WLS: variants seen among roughly 807,000 people sequenced by gnomAD.
WLS encodes the protein Wnt ligand secretion mediator.
Under a neutral mutation model 62.8 loss-of-function variants are expected in WLS, and 23 were observed. The observed-to-expected ratio is 0.37, with a 90% CI of 0.26 to 0.52. WLS has a LOEUF of 0.52. WLS is among the 20% of genes least tolerant of loss of function. The pLI, the probability that WLS is intolerant of heterozygous loss-of-function variation, is 0.92. For synonymous variants in WLS, 246 were observed against 244.1 expected, an observed-to-expected ratio of 1.01 and a Z score of -0.07; for missense variants, 615 against 697.3, an observed-to-expected ratio of 0.88 and a Z score of 1.33.
chr1:68,138,289 C>G (rs1646639341), intron 10 of WLS: 1 of 216,706 alleles, frequency 4.6e-6, no homozygotes, highest in Admixed American at 5.6e-5. Context: ...TGCTGTCTGT[C>G]TTCCCAGCTA....
intron 2 of WLS, among the ~76,000 whole-genome samples, chr1:68,171,752 T>C (rs1189246007): frequency 6.6e-6 from 1 of 152,228 alleles, no homozygotes; most frequent in Non-Finnish European, 1.5e-5. Context: ...GAAGACAGTG[T>C]GGCGATTCCT....
At chr1:68,134,000 A>G (rs1370070702) in intron 11 of WLS, among the ~76,000 whole-genome samples, 6 of 152,216 alleles carry the variant, frequency 3.9e-5, no homozygotes, top group African/African-American at 1.2e-4. Context: ...AAAGCAAAGG[A>G]GAGAAAGAAA....
At chr1:68,172,665 A>G (rs953228502) in intron 2 of WLS, among the ~76,000 whole-genome samples, 1 of 152,218 alleles carries the variant, frequency 6.6e-6, no homozygotes, top group African/African-American at 2.4e-5. Flanking sequence ...TGTAGCACAG[A>G]AGACACAATC....
rs370502201 is a variant in WLS at position 68,126,211 on chromosome 1, G to A, written c.*15C>T. On this transcript the variant is annotated 3_prime_UTR_variant, in exon 12 of 12. Transcript: ENST00000262348. ...GGGGTATGGAGAGACCGTCCCAGCCGGGCGCTGCAGCCTCCTACTCCTGGG... is the reference window on the plus strand; with the variant it reads ...GGGGTATGGAGAGACCGTCCCAGCCAGGCGCTGCAGCCTCCTACTCCTGGG... The A allele has an allele frequency of 5.9e-5, 95 of 1,613,744 alleles. No homozygotes were observed. The highest frequency in any genetic ancestry group is 3.3e-4 in the Middle Eastern group (2 of 6,082).
At chr1:68,134,727 T>C (rs1646580482) in intron 11 of WLS, among the ~76,000 whole-genome samples, 1 of 152,244 alleles carries the variant, frequency 6.6e-6, no homozygotes, top group Non-Finnish European at 1.5e-5. Context: ...ATATGACCTC[T>C]TGTTGAGAAT....
chr1:68,188,873 G>C (rs1334843185), intron 2 of WLS, among the ~76,000 whole-genome samples: 1 of 152,224 alleles, frequency 6.6e-6, no homozygotes, highest in East Asian at 1.9e-4. Context: ...AGAGGACTCT[G>C]AACACCGAGT....
intron 6 of WLS, among the ~76,000 whole-genome samples, chr1:68,149,424 GTCTC>G (rs781103560): frequency 1.1e-4 from 17 of 152,210 alleles, no homozygotes; most frequent in Middle Eastern, 3.4e-3. Flanking sequence ...GTAGGAAGAA[GTCTC>G]TCTCTCTGCT....
At chr1:68,107,083 A>T (rs1035447926) in intron 11 of WLS, among the ~76,000 whole-genome samples, 4 of 152,206 alleles carry the variant, frequency 2.6e-5, no homozygotes, top group East Asian at 1.9e-4. Flanking sequence ...TAAGTAATTA[A>T]TATGTTGGTA....
chr1:68,150,454 T>A, intron 5 of WLS, 98 bp from the exon 6 acceptor site: 1 of 1,494,880 alleles, frequency 6.7e-7, no homozygotes, highest in Non-Finnish European at 9.2e-7. Context: ...GAGATGTTAC[T>A]TATTGGGTCT....
intron 1 of WLS, among the ~76,000 whole-genome samples, chr1:68,213,424 C>A (rs1649599020): frequency 7.3e-6 from 1 of 137,380 alleles, no homozygotes; most frequent in Admixed American, 8.2e-5. Flanking sequence ...GCTCTCCAGA[C>A]TGGGCAACAA....
Position 68,126,224 on chromosome 1 carries a change from T to C in WLS, c.*2A>G. 6.2e-7 allele frequency: 1 copy of C among 1,614,118 alleles called. No homozygotes were observed. The highest frequency in any genetic ancestry group is 8.5e-7 in the Non-Finnish European group (1 of 1,180,016). On this transcript the variant is annotated 3_prime_UTR_variant, in exon 12 of 12. Transcript: ENST00000262348. ...ACCGTCCCAGCCGGGCGCTGCAGCC[T>C]CCTACTCCTGGGCCTCCTTGCGGGT...
rs532302994 is a variant in WLS, at chr1:68,134,377, A to T, written c.1516+3403T>A. 2.0e-5 allele frequency among the ~76,000 whole-genome samples: 3 copies of T among 152,346 alleles called. No homozygotes were observed. In the South Asian group the frequency reaches 6.2e-4, roughly 32 times the overall value. On this transcript the variant is annotated intron_variant, in intron 11 of 11. Coordinates refer to ENST00000262348, the MANE Select transcript of WLS (RefSeq NM_024911.7). ...CACCATGCAGGAAAGGGAAGGGCCC[A>T]CAAGCTGCCAGGGGTTCCCGGGGGT...
rs115712622 is a variant in WLS at position 68,101,739 on chromosome 1, C to T, written c.1511-2986G>A. Among the ~76,000 whole-genome samples the T allele has an allele frequency of 2.5e-3, 385 of 152,192 alleles. 3 individuals carry two copies. Among genetic ancestry groups the T allele is most frequent in the African/African-American group, 8.9e-3 (369 of 41,528 alleles). ...AACTTCATGAATTGGGGGTGAGTCT[C>T]CCAATGGTGAAAGTTCAGGAAGACT... On this transcript the variant is annotated intron_variant, in intron 11 of 11. Transcript: ENST00000354777.
At chr1:68,121,965 C>A (rs1228671180), downstream of WLS, among the ~76,000 whole-genome samples, 1 of 152,194 alleles carries the variant, frequency 6.6e-6, no homozygotes, top group Non-Finnish European at 1.5e-5. Context: ...CCACCAAAAA[C>A]CTTCTATTTC....
chr1:68,107,754 A>G (rs1424771151), intron 11 of WLS, among the ~76,000 whole-genome samples: 2 of 152,072 alleles, frequency 1.3e-5, no homozygotes, highest in East Asian at 1.9e-4. Context: ...CTATTTTTTT[A>G]TTACCCACAT....
At chr1:68,122,290 G>T (rs1646373140), downstream of WLS, among the ~76,000 whole-genome samples, 1 of 152,096 alleles carries the variant, frequency 6.6e-6, no homozygotes, top group Admixed American at 6.6e-5. Context: ...TGGACCCCAG[G>T]GGTATGAGTT....
intron 10 of WLS, among the ~76,000 whole-genome samples, chr1:68,142,418 C>A (rs1187449109): frequency 3.9e-5 from 6 of 152,192 alleles, no homozygotes; most frequent in Admixed American, 2.0e-4. Context: ...CCTTGCAGGT[C>A]TGGCTGTGTC....
At chr1:68,112,268 G>A (rs1040722255) in intron 11 of WLS, among the ~76,000 whole-genome samples, 1 of 152,152 alleles carries the variant, frequency 6.6e-6, no homozygotes, top group African/African-American at 2.4e-5. Flanking sequence ...TGCACTAGCT[G>A]TACAACAGTA....
intron 11 of WLS, among the ~76,000 whole-genome samples, chr1:68,111,936 C>G (rs1267256466): frequency 6.6e-6 from 1 of 152,232 alleles, no homozygotes; most frequent in African/African-American, 2.4e-5. Context: ...AACTGGCTTG[C>G]TCTGGTACTA....
Sources: allele counts gnomAD v4.1 joint callset (sites outside exome capture counted in the v4.1 genomes callset), GRCh38; gene constraint gnomAD v4.1.1; transcripts MANE v1.5; gene names NCBI Gene and HGNC (gene_info 2026-07-23, HGNC 2026-07-21).